The following RELN variants were observed in gnomAD, a reference collection of about 807,000 sequenced individuals.
RELN encodes the protein reelin.
In RELN, 108 loss-of-function variants were observed where a neutral mutation model predicts 427.6. The ratio of observed to expected loss-of-function variants is 0.25; its 90% CI spans 0.22 to 0.30. The LOEUF (loss-of-function observed/expected upper bound fraction) is 0.30. Among genes scored for constraint, RELN ranks in the 10% least tolerant of loss-of-function variants. The probability of loss-of-function intolerance (pLI) is 1.00; values close to 1 mark genes in which losing one functional copy is unlikely to be tolerated. For missense variants in RELN, 3,715 were observed against 4,302.8 expected (o/e 0.86, Z 3.82); for synonymous variants, 1,524 against 1,513.4 (o/e 1.01, Z -0.16).
At chr7:103,773,778 T>C (rs545350570) in intron 4 of RELN, among the ~76,000 whole-genome samples, 1 of 151,978 alleles carries the variant, frequency 6.6e-6, no homozygotes, top group Non-Finnish European at 1.5e-5. Context: ...CCTCCTCTCC[T>C]TTTCTCTTAA....
intron 62 of RELN, 126 bp downstream of exon 62, chr7:103,483,527 G>A: frequency 1.0e-6 from 1 of 967,996 alleles, no homozygotes; most frequent in Non-Finnish European, 1.7e-6. Context: ...TCTTCGTTCT[G>A]CCACCACCTA....
chr7:103,592,508 T>C (rs1315205609), intron 27 of RELN, among the ~76,000 whole-genome samples: 1 of 152,204 alleles, frequency 6.6e-6, no homozygotes, highest in Non-Finnish European at 1.5e-5. Context: ...CATGTGTCTT[T>C]ATGGTAGAAT....
intron 19 of RELN, 114 bp downstream of exon 19, chr7:103,635,311 G>C: frequency 1.8e-6 from 2 of 1,136,886 alleles, no homozygotes; most frequent in Non-Finnish European, 2.5e-6. Context: ...ATCAATCTTT[G>C]TGCGCTCCAT....
rs1388109815 is a variant in RELN, at chr7:103,515,170, C to T, written c.8119+15G>A. 3 of 1,613,996 alleles carry T rather than the reference C, an allele frequency of 1.9e-6. No homozygotes were observed. In the African/African-American group the frequency reaches 4.0e-5, roughly 22 times the overall value. The stretch of plus-strand genomic sequence containing the variant: ...TTTCCACTGGGCTTTTTATTTAGCG[C>T]TGTGCATAATTTACCTGAAGTTTTG... On this transcript the variant is annotated intron_variant, in intron 50 of 64. Coordinates refer to ENST00000428762, the MANE Select transcript of RELN (RefSeq NM_005045.4).
chr7:103,650,184 TA>T, intron 16 of RELN, 89 bp downstream of exon 16: 1 of 841,578 alleles, frequency 1.2e-6, no homozygotes. Flanking sequence ...GACCATGACT[TA>T]GAAATGTGAT....
At chr7:103,779,948 G>C (rs1006654338) in intron 3 of RELN, among the ~76,000 whole-genome samples, 3 of 152,152 alleles carry the variant, frequency 2.0e-5, no homozygotes, top group African/African-American at 7.2e-5. Flanking sequence ...GGATGGTCTT[G>C]ATCTCTTGAC....
rs141307064 is a variant in RELN, at chr7:103,498,081, C to A, written c.8839G>T (p.Ala2947Ser). 1.2e-6 allele frequency: 2 copies of A among 1,613,934 alleles called. No homozygotes were observed. The highest frequency in any genetic ancestry group is 2.7e-5 in the African/African-American group (2 of 74,914). The change falls in exon 54 of 65, where the codon GCA (alanine) becomes TCA (serine). Residue 2947 changes from alanine (A) to serine (S), a missense_variant. Ala to Ser is a moderately conservative substitution (Grantham distance 99). Coordinates refer to ENST00000428762, the MANE Select transcript of RELN (RefSeq NM_005045.4). ...AVTQDLDLRG[A>S]KFLQYWGRIG... ...ACTAACAAAAAATTCACTTACTTTG[C>A]ACCTCGAAGATCCAAATCTTGTGTA...
Position 103,515,359 on chromosome 7 carries a change from C to A in RELN, c.7945G>T (p.Asp2649Tyr), listed in dbSNP as rs551447146. The A allele has an allele frequency of 6.2e-7, 1 of 1,614,114 alleles. No homozygotes were observed. Among genetic ancestry groups the A allele is most frequent in the Admixed American group, 1.7e-5 (1 of 60,020 alleles). ...TTGTCAATGGCCCAGTCGTTCTGAT[C>A]CAGGCCGTCATGTCTTGGCTGCCAC... ...RWWQPRHDGL[D>Y]QNDWAIDNVL... The change falls in exon 50 of 65, where the codon GAT becomes TAT. Residue 2649 changes from aspartate to tyrosine, a missense_variant. Coordinates refer to ENST00000428762, the MANE Select transcript of RELN (RefSeq NM_005045.4).
At chr7:103,581,448 G>C (rs779211443) in intron 28 of RELN, among the ~76,000 whole-genome samples, 1 of 152,130 alleles carries the variant, frequency 6.6e-6, no homozygotes, top group Non-Finnish European at 1.5e-5. Flanking sequence ...ATCTCAACCT[G>C]ATGGAGATAA....
At position 103,486,242 on chromosome 7, in the gene RELN, T is replaced by C. The variant is rs755627042; in HGVS notation, c.9938A>G (p.Gln3313Arg). 1.4e-5 allele frequency: 22 copies of C among 1,613,952 alleles called. No homozygotes were observed. The East Asian group carries it at 4.7e-4, about 34-fold the overall frequency. ...HGDSLYFNGC[Q>R]IRQAATKPLD... is the part of the protein sequence containing the mutation. The stretch of plus-strand genomic sequence containing the variant: ...AGGCTTGGTAGCTGCTTGCCTGATC[T>C]GACAGCCATTAAAGTACAGTGAGTC... The change falls in exon 61 of 65, where the codon CAG (glutamine) becomes CGG (arginine). Residue 3313 changes from glutamine (Q) to arginine (R), a missense_variant. Transcript: ENST00000428762.
rs1830430373 is a variant in RELN at position 103,552,275 on chromosome 7, T to C, written c.6073-979A>G. The stretch of plus-strand genomic sequence containing the variant: ...TCTATAAAAAATTTCCCCTCTCCAA[T>C]TGAGATGAACATTTTCTTACTATCA... On this transcript the variant is annotated intron_variant, in intron 40 of 64. Transcript: ENST00000428762. Among the ~76,000 whole-genome samples the C allele has an allele frequency of 2.0e-5, 3 of 152,270 alleles. No homozygotes were observed. In the South Asian group the frequency reaches 6.2e-4, roughly 32 times the overall value.
intron 19 of RELN, among the ~76,000 whole-genome samples, chr7:103,634,359 A>T (rs147789486): frequency 5.1e-4 from 78 of 152,292 alleles, no homozygotes; most frequent in African/African-American, 1.8e-3. Context: ...TTAAACCTTA[A>T]TTTTAAGCTT....
At chr7:103,974,765 A>G (rs1796836590) in intron 1 of RELN, among the ~76,000 whole-genome samples, 1 of 152,212 alleles carries the variant, frequency 6.6e-6, no homozygotes, top group South Asian at 2.1e-4. Flanking sequence ...TTGAGTATGG[A>G]GCCAAACGAT....
At chr7:103,495,928 A>G in intron 56 of RELN, 30 bp from the exon 57 acceptor site, 9 of 1,611,300 alleles carry the variant, frequency 5.6e-6, no homozygotes, top group Non-Finnish European at 7.6e-6. Flanking sequence ...GCAATATGGC[A>G]TATTATTCTC....
At chr7:103,975,768 G>C (rs1246407369) in intron 1 of RELN, among the ~76,000 whole-genome samples, 1 of 147,044 alleles carries the variant, frequency 6.8e-6, no homozygotes, top group African/African-American at 2.5e-5. Context: ...GGATGGTCTC[G>C]ATCTCCTGAC....
Position 103,912,307 on chromosome 7 carries a change from T to C in RELN, c.337+4768A>G, listed in dbSNP as rs138737880. 1.7e-3 allele frequency among the ~76,000 whole-genome samples: 261 copies of C among 151,908 alleles called. 1 individual carries two copies. The highest frequency in any genetic ancestry group is 5.8e-3 in the African/African-American group (239 of 41,444). On this transcript the variant is annotated intron_variant, in intron 2 of 64. Coordinates refer to ENST00000428762, the MANE Select transcript of RELN (RefSeq NM_005045.4). ...CACCTCCCGGGTCAAGTGATTCTCC[T>C]GCAAGTACGTGGGATTACAGGTACC...
At chr7:103,612,386 C>T (rs2117293230) in intron 20 of RELN, among the ~76,000 whole-genome samples, 1 of 151,688 alleles carries the variant, frequency 6.6e-6, no homozygotes, top group Admixed American at 6.6e-5. Flanking sequence ...AGTGATTCTC[C>T]TGCCTCAGCC....
intron 2 of RELN, among the ~76,000 whole-genome samples, chr7:103,872,854 A>G (rs956335333): frequency 3.3e-5 from 5 of 150,444 alleles, no homozygotes; most frequent in Admixed American, 2.7e-4. Context: ...TGGCTGCATA[A>G]ATGTCTTCTT....
chr7:103,656,435 G>T (rs1428689936), intron 12 of RELN, among the ~76,000 whole-genome samples: 1 of 151,558 alleles, frequency 6.6e-6, no homozygotes, highest in African/African-American at 2.4e-5. Context: ...GGGTGAGCCT[G>T]TTACTAGAGT....
Sources: gnomAD v4.1 joint callset for allele counts (sites outside exome capture counted in the v4.1 genomes callset) on GRCh38, gnomAD v4.1.1 for gene constraint, MANE v1.5 for transcripts, NCBI Gene and HGNC (gene_info 2026-07-23, HGNC 2026-07-21) for gene names.